RIN2: variants seen among roughly 807,000 people sequenced by gnomAD.
RIN2 encodes RAB5 interacting protein 2.
A neutral mutation model predicts 78.0 loss-of-function variants in RIN2; 36 were observed. The observed-to-expected ratio is 0.46, with a 90% confidence interval of 0.35 to 0.61. The LOEUF (loss-of-function observed/expected upper bound fraction) is 0.61. Ranked by LOEUF, RIN2 falls within the 20% of genes least tolerant of loss-of-function variation. The pLI, the probability that RIN2 is intolerant of heterozygous loss-of-function variation, is 0.00. For synonymous variants in RIN2, 466 were observed against 466.8 expected, an observed-to-expected ratio of 1.00 and a Z score of 0.02; for missense variants, 1,087 against 1,159.7, an observed-to-expected ratio of 0.94 and a Z score of 0.91.
At chr20:19,767,526 A>G (rs2033937235) in intron 1 of RIN2, among the ~76,000 whole-genome samples, 1 of 152,192 alleles carries the variant, frequency 6.6e-6, no homozygotes, top group Non-Finnish European at 1.5e-5. Context: ...TGGGACTGAG[A>G]GACCAGAGGG....
intron 2 of RIN2, among the ~76,000 whole-genome samples, chr20:19,876,901 C>CAA (rs11483125): frequency 0.31 from 43,612 of 142,134 alleles, 6,829 homozygotes; most frequent in Middle Eastern, 0.45. Context: ...GACTCCATCT[C>CAA]AAAAAAAAAA....
intron 1 of RIN2, among the ~76,000 whole-genome samples, chr20:19,771,048 T>G (rs997407555): frequency 6.6e-6 from 1 of 152,208 alleles, no homozygotes; most frequent in African/African-American, 2.4e-5. Context: ...TAAAGGATAT[T>G]GCAAAGGATA....
intron 2 of RIN2, among the ~76,000 whole-genome samples, chr20:19,874,707 G>T (rs1019390388): frequency 4.3e-4 from 65 of 152,146 alleles, no homozygotes; most frequent in African/African-American, 1.5e-3. Flanking sequence ...ACTAAGACAG[G>T]TTACACTGAG....
intron 2 of RIN2, among the ~76,000 whole-genome samples, chr20:19,805,102 C>T (rs554060560): frequency 2.0e-5 from 3 of 152,274 alleles, no homozygotes; most frequent in Non-Finnish European, 2.9e-5. Context: ...TGTGTCATGG[C>T]GTCTGGCACA....
At chr20:19,836,064 A>C (rs1168312177) in intron 2 of RIN2, among the ~76,000 whole-genome samples, 1 of 152,130 alleles carries the variant, frequency 6.6e-6, no homozygotes, top group Non-Finnish European at 1.5e-5. Flanking sequence ...TGCATCCCAG[A>C]GGGAGAGTTG....
At chr20:19,844,553 G>A (rs1342418799) in intron 2 of RIN2, among the ~76,000 whole-genome samples, 1 of 151,942 alleles carries the variant, frequency 6.6e-6, no homozygotes, top group Non-Finnish European at 1.5e-5. Flanking sequence ...TGGGAATGGT[G>A]GAGAACATGG....
intron 2 of RIN2, among the ~76,000 whole-genome samples, chr20:19,880,729 T>C (rs769239634): frequency 2.4e-4 from 37 of 152,288 alleles, no homozygotes; most frequent in African/African-American, 4.8e-4. Flanking sequence ...TAAAATCCTA[T>C]GCACTTACTC....
intron 3 of RIN2, among the ~76,000 whole-genome samples, chr20:19,909,911 C>A (rs1313630618): frequency 6.6e-6 from 1 of 152,104 alleles, no homozygotes; most frequent in Non-Finnish European, 1.5e-5. Flanking sequence ...TGCCTGGGAG[C>A]CCAGCCAGTC....
intron 2 of RIN2, among the ~76,000 whole-genome samples, chr20:19,818,216 A>T (rs1476561822): frequency 6.6e-6 from 1 of 152,222 alleles, no homozygotes. Flanking sequence ...TAAATAGTAC[A>T]CCTGTATAGT....
chr20:19,777,207 G>T (rs955851334), intron 1 of RIN2, among the ~76,000 whole-genome samples: 7 of 152,188 alleles, frequency 4.6e-5, no homozygotes, highest in African/African-American at 1.7e-4. Context: ...AAGAACACAG[G>T]GAAGGGCACA....
intron 2 of RIN2, among the ~76,000 whole-genome samples, chr20:19,833,871 A>G (rs140447335): frequency 6.6e-6 from 1 of 152,280 alleles, no homozygotes; most frequent in Non-Finnish European, 1.5e-5. Flanking sequence ...TTCAAACCCC[A>G]GAGCTCCCTG....
chr20:19,839,030 G>A lies in RIN2; in HGVS notation c.-37+39283G>A, dbSNP rs553246907. Among the ~76,000 whole-genome samples the A allele has an allele frequency of 3.9e-5, 6 of 152,248 alleles. No individual in the cohort carries two copies. In the South Asian group the frequency reaches 1.0e-3, roughly 26 times the overall value. ...ATGATTGGGAACAGGATTCCAGCAG[G>A]ACTGTTGGGTGAGATTGTTTCTGCA... On this transcript the variant is annotated intron_variant, in intron 2 of 12. Coordinates refer to ENST00000255006, the MANE Select transcript of RIN2 (RefSeq NM_018993.4).
intron 2 of RIN2, among the ~76,000 whole-genome samples, chr20:19,819,617 C>A (rs913850973): frequency 3.9e-5 from 6 of 152,210 alleles, no homozygotes; most frequent in African/African-American, 1.4e-4. Flanking sequence ...CTCACTGTAA[C>A]CTCGACCTCC....
intron 8 of RIN2, among the ~76,000 whole-genome samples, chr20:19,973,571 C>CT (rs760346693): frequency 4.6e-5 from 7 of 152,142 alleles, no homozygotes; most frequent in Non-Finnish European, 8.8e-5. Context: ...GGTGGATCAC[C>CT]TGAGTTCAGG....
At chr20:19,909,554 T>A (rs1420398644) in intron 3 of RIN2, among the ~76,000 whole-genome samples, 1 of 152,146 alleles carries the variant, frequency 6.6e-6, no homozygotes, top group African/African-American at 2.4e-5. Context: ...CGGCACACAC[T>A]CTGCACCCTA....
chr20:19,924,983 C>A (rs1017562911), intron 3 of RIN2, among the ~76,000 whole-genome samples: 1 of 151,414 alleles, frequency 6.6e-6, no homozygotes, highest in African/African-American at 2.4e-5. Context: ...AGGTGATCCA[C>A]CCGCCTCGGC....
chr20:19,835,075 GAGAA>G (rs367631438), intron 2 of RIN2, among the ~76,000 whole-genome samples: 25 of 148,842 alleles, frequency 1.7e-4, no homozygotes, highest in African/African-American at 4.2e-4. Flanking sequence ...AAAAGAGAAA[GAGAA>G]AGAAAGAGAA....
chr20:19,900,045 G>C (rs1421423336), intron 3 of RIN2, among the ~76,000 whole-genome samples: 1 of 152,174 alleles, frequency 6.6e-6, no homozygotes, highest in African/African-American at 2.4e-5. Flanking sequence ...AACAAAACTG[G>C]AGCATACAAG....
At chr20:19,892,089 G>A (rs1487381889) in intron 3 of RIN2, among the ~76,000 whole-genome samples, 2 of 152,164 alleles carry the variant, frequency 1.3e-5, no homozygotes, top group South Asian at 2.1e-4. Flanking sequence ...CCCGCCAAGG[G>A]TGAGATCTGC....
Sources: allele counts gnomAD v4.1 joint callset (sites outside exome capture counted in the v4.1 genomes callset), GRCh38; gene constraint gnomAD v4.1.1; transcripts MANE v1.5; gene names NCBI Gene and HGNC (gene_info 2026-07-23, HGNC 2026-07-21).